The following FHIP1A variants were observed in gnomAD, a reference collection of about 807,000 sequenced individuals.
FHIP1A encodes FHF complex subunit HOOK-interacting protein 1A.
In FHIP1A, 61 loss-of-function variants were observed where a neutral mutation model predicts 88.6. That is an observed-to-expected ratio of 0.69 (90% CI 0.56 to 0.85). The LOEUF (loss-of-function observed/expected upper bound fraction) is 0.85, where lower values mean the gene tolerates loss of function less well. FHIP1A is among the 40% of genes least tolerant of loss of function. The pLI, the probability that FHIP1A is intolerant of heterozygous loss-of-function variation, is 0.00. For missense variants in FHIP1A, 1,154 were observed against 1,273.5 expected (o/e 0.91, Z 1.43); for synonymous variants, 478 against 496.0 (o/e 0.96, Z 0.48).
intron 1 of FHIP1A, among the ~76,000 whole-genome samples, chr4:151,418,902 C>T (rs57348790): frequency 0.11 from 16,931 of 152,134 alleles, 991 homozygotes; most frequent in African/African-American, 0.12. Flanking sequence ...CATTTTGTTT[C>T]TCTTTCCAGT....
chr4:151,478,496 A>C (rs969511423), intron 2 of FHIP1A, among the ~76,000 whole-genome samples: 1 of 152,174 alleles, frequency 6.6e-6, no homozygotes, highest in Non-Finnish European at 1.5e-5. Context: ...GAGGGCGGTC[A>C]TCTCATTATA....
rs1177669379 is a variant in FHIP1A, at chr4:151,666,809, C to T, written c.*4055C>T. ...AGTCTGGACAAATCAAGTGCTTTAA[C>T]GATGGCATCGTCCTCTGGGAATAAT... On this transcript the variant is annotated 3_prime_UTR_variant, in exon 14 of 14. Coordinates refer to ENST00000435205, the MANE Select transcript of FHIP1A (RefSeq NM_001109977.3). Among the ~76,000 whole-genome samples the T allele has an allele frequency of 1.3e-5, 2 of 152,174 alleles. No individual in the cohort carries two copies. The highest frequency in any genetic ancestry group is 6.5e-5 in the Admixed American group (1 of 15,276).
At chr4:151,508,889 A>G (rs1229382105) in intron 3 of FHIP1A, among the ~76,000 whole-genome samples, 2 of 152,106 alleles carry the variant, frequency 1.3e-5, no homozygotes, top group South Asian at 2.1e-4. Flanking sequence ...ACTACCCACA[A>G]TGTTGAAAGA....
intron 2 of FHIP1A, among the ~76,000 whole-genome samples, chr4:151,479,403 G>A (rs1238885575): frequency 1.3e-5 from 2 of 152,044 alleles, no homozygotes; most frequent in Non-Finnish European, 2.9e-5. Context: ...AATCAGTGAA[G>A]TTTGTGGACC....
intron 3 of FHIP1A, among the ~76,000 whole-genome samples, chr4:151,491,399 A>C (rs1263654254): frequency 6.6e-6 from 1 of 152,220 alleles, no homozygotes; most frequent in Non-Finnish European, 1.5e-5. Flanking sequence ...ACTAAGCTTC[A>C]AAAATGAAGG....
chr4:151,548,733 C>T (rs765273485), intron 3 of FHIP1A, among the ~76,000 whole-genome samples: 1 of 152,096 alleles, frequency 6.6e-6, no homozygotes, highest in Non-Finnish European at 1.5e-5. Flanking sequence ...ACCAGCCTGG[C>T]CAACATGGCA....
At chr4:151,465,484 A>G (rs891611259) in intron 2 of FHIP1A, among the ~76,000 whole-genome samples, 18 of 152,176 alleles carry the variant, frequency 1.2e-4, no homozygotes, top group Non-Finnish European at 2.1e-4. Flanking sequence ...ACTATTCCAA[A>G]CAATTGAAAA....
At chr4:151,639,676 A>G (rs1560815057) in intron 9 of FHIP1A, among the ~76,000 whole-genome samples, 1 of 152,124 alleles carries the variant, frequency 6.6e-6, no homozygotes, top group Non-Finnish European at 1.5e-5. Context: ...ACCCAGAGAG[A>G]ATGTGGCCCC....
At chr4:151,563,526 G>GCC (rs1226340239) in intron 3 of FHIP1A, among the ~76,000 whole-genome samples, 1 of 152,084 alleles carries the variant, frequency 6.6e-6, no homozygotes, top group Non-Finnish European at 1.5e-5. Flanking sequence ...GAGTGCAGAG[G>GCC]GAAAGAAAGG....
At chr4:151,592,517 C>G (rs1213029359) in intron 7 of FHIP1A, among the ~76,000 whole-genome samples, 1 of 152,162 alleles carries the variant, frequency 6.6e-6, no homozygotes, top group Non-Finnish European at 1.5e-5. Context: ...TCTCTAATGA[C>G]CAATGATGGT....
At chr4:151,540,391 A>AT (rs1359632027) in intron 3 of FHIP1A, among the ~76,000 whole-genome samples, 3 of 152,142 alleles carry the variant, frequency 2.0e-5, no homozygotes, top group Non-Finnish European at 4.4e-5. Context: ...TACCTCATAT[A>AT]TTTTTTTAAG....
chr4:151,566,479 G>T, intron 4 of FHIP1A, 115 bp downstream of exon 4: 1 of 637,960 alleles, frequency 1.6e-6, no homozygotes, highest in Non-Finnish European at 2.8e-6. Context: ...GAAACACAGG[G>T]AGGGAAACTC....
At chr4:151,595,004 G>A (rs1734594006) in intron 7 of FHIP1A, among the ~76,000 whole-genome samples, 1 of 152,170 alleles carries the variant, frequency 6.6e-6, no homozygotes, top group Admixed American at 6.5e-5. Flanking sequence ...TTTTTGAAGA[G>A]TTTTTCATGT....
intron 9 of FHIP1A, among the ~76,000 whole-genome samples, chr4:151,640,138 A>G (rs554018949): frequency 6.6e-6 from 1 of 152,180 alleles, no homozygotes; most frequent in African/African-American, 2.4e-5. Flanking sequence ...GGGCCCAGCA[A>G]GCCATGTTTT....
intron 1 of FHIP1A, among the ~76,000 whole-genome samples, chr4:151,452,960 A>G (rs1406632055): frequency 6.6e-6 from 1 of 151,200 alleles, no homozygotes; most frequent in Admixed American, 6.6e-5. Flanking sequence ...ATACATACAC[A>G]CACACACACA....
At chr4:151,412,685 TTC>T (rs1732712952) in intron 1 of FHIP1A, among the ~76,000 whole-genome samples, 1 of 92,538 alleles carries the variant, frequency 1.1e-5, no homozygotes, top group Non-Finnish European at 2.3e-5. Flanking sequence ...CTCTCTTTCT[TTC>T]TTTTTTTTTT....
rs753532630 is a variant in FHIP1A, at chr4:151,577,733, A to G, written c.389A>G (p.His130Arg). 3 of 1,551,512 alleles carry G rather than the reference A, an allele frequency of 1.9e-6. No homozygotes were observed. Among genetic ancestry groups the G allele is most frequent in the South Asian group, 1.2e-5 (1 of 84,052 alleles). Residue 130 changes from histidine to arginine, a missense_variant, in exon 5 of 14, where the codon CAC becomes CGC. Transcript: ENST00000435205. ...KMYEMLVTQSHQPLLHHKPIL... is the reference protein window; with the variant it reads ...KMYEMLVTQSRQPLLHHKPIL... ...TATGAGATGTTGGTCACCCAGTCGC[A>G]CCAGCCTCTGCTGCACCACAAACCC...
chr4:151,445,817 T>G (rs1016872635), intron 1 of FHIP1A, among the ~76,000 whole-genome samples: 1 of 141,890 alleles, frequency 7.0e-6, no homozygotes, highest in South Asian at 2.2e-4. Flanking sequence ...ATCACACCTC[T>G]GCACGCCAGC....
chr4:151,642,462 A>C (rs1265748331), intron 9 of FHIP1A, among the ~76,000 whole-genome samples: 2 of 142,140 alleles, frequency 1.4e-5, no homozygotes, highest in East Asian at 4.0e-4. Flanking sequence ...GGAAAACAAC[A>C]ACAACAACAA....
Sources: gnomAD v4.1 joint callset for allele counts (sites outside exome capture counted in the v4.1 genomes callset) on GRCh38, gnomAD v4.1.1 for gene constraint, MANE v1.5 for transcripts, NCBI Gene and HGNC (gene_info 2026-07-23, HGNC 2026-07-21) for gene names.